AHR: variants seen among roughly 807,000 people sequenced by gnomAD.
The protein encoded by AHR is AH-receptor.
Under a neutral mutation model 86.8 loss-of-function variants are expected in AHR, and 40 were observed. The observed-to-expected ratio is 0.46, with a 90% CI of 0.36 to 0.60. The LOEUF (loss-of-function observed/expected upper bound fraction) is 0.60. Ranked by LOEUF, AHR falls within the 20% of genes least tolerant of loss-of-function variation. The probability of loss-of-function intolerance (pLI) is 0.00; values close to 1 mark genes in which losing one functional copy is unlikely to be tolerated. For missense variants in AHR, 1,001 were observed against 1,011.6 expected (o/e 0.99, Z 0.14); for synonymous variants, 398 against 354.9 (o/e 1.12, Z -1.37).
rs1782306476 is a variant in AHR, at chr7:17,332,458, C to G, written c.706-1454C>G. Among the ~76,000 whole-genome samples the G allele has an allele frequency of 2.0e-5, 3 of 151,704 alleles. 1 individual carries two copies. The highest frequency in any genetic ancestry group is 4.1e-4 in the South Asian group (2 of 4,820). On this transcript the variant is annotated intron_variant, in intron 6 of 10. Coordinates refer to ENST00000242057, the MANE Select transcript of AHR (RefSeq NM_001621.5). Reference sequence around the variant, plus strand: ...TGCCCCCGCAGACCTTCCAGTGGGACAAGATGTAGAGGTGGAAGATAGGAT... The same window carrying G: ...TGCCCCCGCAGACCTTCCAGTGGGAGAAGATGTAGAGGTGGAAGATAGGAT...
At chr7:17,319,055 GT>G (rs1782144023) in intron 2 of AHR, among the ~76,000 whole-genome samples, 2 of 152,036 alleles carry the variant, frequency 1.3e-5, no homozygotes, top group Admixed American at 6.6e-5. Flanking sequence ...TTGTTCAAGG[GT>G]CAGCTGTACT....
chr7:17,338,906 T>G, intron 9 of AHR, 80 bp from the exon 10 acceptor site: 6 of 1,328,492 alleles, frequency 4.5e-6, no homozygotes, highest in Non-Finnish European at 6.1e-6. Flanking sequence ...TTTTGCTTTA[T>G]GTTTTTCTTT....
chr7:17,309,697 C>T (rs773267681), intron 1 of AHR, among the ~76,000 whole-genome samples: 1 of 152,154 alleles, frequency 6.6e-6, no homozygotes, highest in African/African-American at 2.4e-5. Flanking sequence ...GAAGTATAAG[C>T]AAACATTTTC....
At chr7:17,300,710 A>G (rs949509701) in intron 1 of AHR, among the ~76,000 whole-genome samples, 1 of 152,142 alleles carries the variant, frequency 6.6e-6, no homozygotes, top group Admixed American at 6.5e-5. Context: ...GGTTTCTTAT[A>G]TTAAAGTATG....
chr7:17,340,477 T>G (rs1427651007), intron 10 of AHR, among the ~76,000 whole-genome samples: 3 of 152,130 alleles, frequency 2.0e-5, no homozygotes, highest in African/African-American at 4.8e-5. Flanking sequence ...AACATGAATG[T>G]GTCCTTAATA....
chr7:17,343,204 A>C lies in AHR; in HGVS notation c.*140A>C. On this transcript the variant is annotated 3_prime_UTR_variant, in exon 11 of 11. Coordinates refer to ENST00000242057, the MANE Select transcript of AHR (RefSeq NM_001621.5). ...TGCTATTCACAATTATTCCAAACCA[A>C]ATTTTAATTTTTGCTTTTAGAAAAG... The C allele has an allele frequency of 6.7e-6, 7 of 1,051,658 alleles. No homozygotes were observed. The highest frequency in any genetic ancestry group is 9.9e-6 in the Non-Finnish European group (7 of 703,880). 65.1% of individuals were successfully genotyped at this position (1,051,658 alleles called of 1,614,324 possible).
Position 17,342,919 on chromosome 7 carries a change from A to G in AHR, c.2404-2A>G. On this transcript the variant is annotated splice_acceptor_variant, in intron 10 of 10. Coordinates refer to ENST00000242057, the MANE Select transcript of AHR (RefSeq NM_001621.5). LOFTEE classifies it high-confidence loss of function. ...AAGTTGCATCACCATTTTTGTTTTC[A>G]GTTTCAGAATGGAGTTTTAAATGAA... 1.2e-6 allele frequency: 2 copies of G among 1,610,316 alleles called. No individual in the cohort carries two copies. The highest frequency in any genetic ancestry group is 4.5e-5 in the East Asian group (2 of 44,758).
intron 10 of AHR, 23 bp downstream of exon 10, chr7:17,340,251 T>C (rs755825240): frequency 7.1e-6 from 11 of 1,559,630 alleles, no homozygotes; most frequent in Non-Finnish European, 9.5e-6. Context: ...TCAAACTGAA[T>C]TAAATCTTTC....
chr7:17,300,992 G>C (rs1243980843), intron 1 of AHR, among the ~76,000 whole-genome samples: 1 of 151,924 alleles, frequency 6.6e-6, no homozygotes, highest in African/African-American at 2.4e-5. Flanking sequence ...AACATTTATG[G>C]ATTTTGGTTA....
intron 3 of AHR, among the ~76,000 whole-genome samples, chr7:17,326,051 G>C (rs1194607463): frequency 2.0e-5 from 3 of 152,170 alleles, no homozygotes; most frequent in Non-Finnish European, 4.4e-5. Context: ...TTTGGAGCCA[G>C]ACTGAATTTA....
intron 8 of AHR, 52 bp downstream of exon 8, chr7:17,335,048 G>C: frequency 7.5e-7 from 1 of 1,330,054 alleles, no homozygotes; most frequent in Non-Finnish European, 1.1e-6. Context: ...ATATACTGTT[G>C]TACATGTTTC....
At position 17,298,935 on chromosome 7, in the gene AHR, CCCGGGCCGCCTCACCTGCGGGCATTG is replaced by C. The variant is rs954860564; in HGVS notation, c.-326_-301del. On this transcript the variant is annotated 5_prime_UTR_variant, in exon 1 of 11. Transcript: ENST00000242057. ...ATAGACGGCCCAGGCTCCTCCTCCG[CCCGGGCCGCCTCACCTGCGGGCATTG>C]CCGCGCCGCCTCCGCCGGTGTAGAC... 3 of 434,642 alleles carry C rather than the reference CCCGGGCCGCCTCACCTGCGGGCATTG, an allele frequency of 6.9e-6. No individual in the cohort carries two copies. Among genetic ancestry groups the C allele is most frequent in the Non-Finnish European group, 8.0e-6 (2 of 249,412 alleles). 26.9% of individuals were successfully genotyped at this position (434,642 alleles called of 1,614,324 possible). A position where few individuals can be genotyped will look rare whatever the true frequency, so the allele number is the denominator to read the frequency against.
chr7:17,308,262 C>G (rs1178677644), intron 1 of AHR, among the ~76,000 whole-genome samples: 1 of 152,044 alleles, frequency 6.6e-6, no homozygotes, highest in Non-Finnish European at 1.5e-5. Flanking sequence ...TGGGGGAATT[C>G]TTACAGTTCA....
chr7:17,308,741 C>T lies in AHR; in HGVS notation c.66-1195C>T, dbSNP rs553063087. Among the ~76,000 whole-genome samples, 85 of 151,490 alleles carry T rather than the reference C, an allele frequency of 5.6e-4. No homozygotes were observed. The South Asian group carries it at 0.017, about 31-fold the overall frequency. On this transcript the variant is annotated intron_variant, in intron 1 of 10. Coordinates refer to ENST00000242057, the MANE Select transcript of AHR (RefSeq NM_001621.5). ...CACACACACACACACATCATTTTAC[C>T]GATGTATTACCTTTTTTGTAGAAGT... is the stretch of plus-strand genomic sequence containing the variant.
chr7:17,304,890 T>C (rs544948658), intron 1 of AHR, among the ~76,000 whole-genome samples: 1 of 152,162 alleles, frequency 6.6e-6, no homozygotes, highest in Admixed American at 6.6e-5. Flanking sequence ...ATACATTTTA[T>C]GCGGGTTCGA....
At chr7:17,335,607 TGG>T (rs1448279417) in intron 8 of AHR, 36 bp from the exon 9 acceptor site, 2 of 1,507,754 alleles carry the variant, frequency 1.3e-6, no homozygotes, top group African/African-American at 2.8e-5. Flanking sequence ...TATATTGATT[TGG>T]GGGTTTGATA....
At chr7:17,312,097 T>C (rs181141982) in intron 2 of AHR, among the ~76,000 whole-genome samples, 65 of 152,308 alleles carry the variant, frequency 4.3e-4, no homozygotes, top group Admixed American at 2.6e-3. Flanking sequence ...GAGCCACTGC[T>C]GTAGATTGTA....
At chr7:17,340,361 A>G in intron 10 of AHR, 133 bp downstream of exon 10, 2 of 1,216,408 alleles carry the variant, frequency 1.6e-6, no homozygotes, top group Non-Finnish European at 2.2e-6. Context: ...TTTTTATTAT[A>G]TCTGTGACTA....
At chr7:17,307,648 G>T (rs1782019100) in intron 1 of AHR, among the ~76,000 whole-genome samples, 1 of 152,182 alleles carries the variant, frequency 6.6e-6, no homozygotes, top group East Asian at 1.9e-4. Flanking sequence ...AACATGGACA[G>T]TTCAGAGCTA....
Sources: allele counts gnomAD v4.1 joint callset (sites outside exome capture counted in the v4.1 genomes callset), GRCh38; gene constraint gnomAD v4.1.1; transcripts MANE v1.5; gene names NCBI Gene and HGNC (gene_info 2026-07-23, HGNC 2026-07-21).